The following CADM2 variants were observed in gnomAD, a reference collection of about 807,000 sequenced individuals.
CADM2 encodes the protein cell adhesion molecule 2, also known as immunoglobulin superfamily member 4D.
CADM2 carries 12 observed loss-of-function variants against 49.8 expected under a neutral mutation model. The ratio of observed to expected loss-of-function variants is 0.24; its 90% CI spans 0.15 to 0.39. The LOEUF (loss-of-function observed/expected upper bound fraction) is 0.39. Ranked by LOEUF, CADM2 falls within the 10% of genes least tolerant of loss-of-function variation. CADM2 has a pLI of 1.00. For missense variants in CADM2, 378 were observed against 492.3 expected, an observed-to-expected ratio of 0.77 and a Z score of 2.20; for synonymous variants, 214 against 175.4, an observed-to-expected ratio of 1.22 and a Z score of -1.74.
intron 1 of CADM2, among the ~76,000 whole-genome samples, chr3:85,305,577 C>T (rs1026429797): frequency 6.6e-6 from 1 of 151,512 alleles, no homozygotes; most frequent in Non-Finnish European, 1.5e-5. Context: ...TTAAATCTGC[C>T]AGCTACCAAC....
In CADM2 at chr3:84,998,359, T is replaced by C. The variant is rs1393969361; in HGVS notation, c.61+38691T>C. ...CCTGCCAGTTTTAATATAGCAAATA[T>C]GTTCTCCGGAGCAAGTAATTCCCAT... On this transcript the variant is annotated intron_variant, in intron 1 of 9. Coordinates refer to ENST00000383699, the MANE Select transcript of CADM2 (RefSeq NM_001167675.2). 6.6e-5 allele frequency among the ~76,000 whole-genome samples: 10 copies of C among 152,082 alleles called. 1 individual carries two copies.
intron 7 of CADM2, among the ~76,000 whole-genome samples, chr3:85,952,702 C>T (rs894495622): frequency 3.3e-5 from 5 of 151,008 alleles, no homozygotes; most frequent in African/African-American, 1.2e-4. Context: ...TAACACCATA[C>T]ACTGCCTAGC....
At chr3:85,369,326 T>A (rs1241619408) in intron 1 of CADM2, among the ~76,000 whole-genome samples, 1 of 152,208 alleles carries the variant, frequency 6.6e-6, no homozygotes, top group Non-Finnish European at 1.5e-5. Context: ...ACATATATGA[T>A]GGTGGTCCCA....
At chr3:86,063,146 C>T (rs944962361) in intron 8 of CADM2, among the ~76,000 whole-genome samples, 5 of 152,038 alleles carry the variant, frequency 3.3e-5, no homozygotes, top group African/African-American at 9.7e-5. Context: ...AAAGAAACAA[C>T]GTAAAGTTCC....
chr3:85,999,631 GAGAAAGAAAGAAAGAAA>G (rs1232147597), intron 8 of CADM2, among the ~76,000 whole-genome samples: 2 of 148,948 alleles, frequency 1.3e-5, no homozygotes, highest in African/African-American at 5.0e-5. Context: ...AAGAAAGAAG[GAGAAAGAAAGAAAGAAA>G]GGAAAGAAAA....
chr3:85,309,382 C>T (rs781654927), intron 1 of CADM2, among the ~76,000 whole-genome samples: 1 of 152,000 alleles, frequency 6.6e-6, no homozygotes, highest in Non-Finnish European at 1.5e-5. Context: ...TTCAAATTTC[C>T]ACATTGTGCT....
At chr3:85,676,755 T>C (rs2065897433) in intron 1 of CADM2, among the ~76,000 whole-genome samples, 3 of 152,154 alleles carry the variant, frequency 2.0e-5, no homozygotes, top group Admixed American at 2.0e-4. Flanking sequence ...GCTTTTTGTA[T>C]ACAAGCATCT....
chr3:85,944,865 G>T (rs986591846), intron 7 of CADM2, among the ~76,000 whole-genome samples: 4 of 152,010 alleles, frequency 2.6e-5, no homozygotes, highest in African/African-American at 9.7e-5. Context: ...ACAATTAAAA[G>T]AACTAGAGAA....
intron 3 of CADM2, among the ~76,000 whole-genome samples, chr3:85,838,938 T>G (rs2074519718): frequency 6.6e-6 from 1 of 151,814 alleles, no homozygotes; most frequent in Non-Finnish European, 1.5e-5. Context: ...CACTTAGGGG[T>G]GCTTGTTAAA....
At chr3:85,912,916 G>A (rs1402187305) in intron 6 of CADM2, among the ~76,000 whole-genome samples, 2 of 152,094 alleles carry the variant, frequency 1.3e-5, no homozygotes, top group African/African-American at 4.8e-5. Context: ...TTTATTTTAT[G>A]CAATTGTGGC....
At chr3:85,289,573 C>G (rs1371246288) in intron 1 of CADM2, among the ~76,000 whole-genome samples, 2 of 152,128 alleles carry the variant, frequency 1.3e-5, no homozygotes, top group Non-Finnish European at 2.9e-5. Flanking sequence ...AAGACATAGT[C>G]TAAATTGATT....
intron 8 of CADM2, among the ~76,000 whole-genome samples, chr3:86,035,008 T>C (rs1461386697): frequency 6.6e-6 from 1 of 152,070 alleles, no homozygotes; most frequent in African/African-American, 2.4e-5. Flanking sequence ...AAGTTTATTT[T>C]CCTCTACATG....
intron 7 of CADM2, among the ~76,000 whole-genome samples, chr3:85,946,960 C>A (rs999865281): frequency 1.5e-4 from 23 of 152,048 alleles, no homozygotes; most frequent in African/African-American, 4.6e-4. Flanking sequence ...TATAATTAAA[C>A]TAAAGAGCTT....
At chr3:85,506,085 G>A (rs2040339315) in intron 1 of CADM2, among the ~76,000 whole-genome samples, 1 of 152,114 alleles carries the variant, frequency 6.6e-6, no homozygotes, top group Non-Finnish European at 1.5e-5. Flanking sequence ...TCTACTATCA[G>A]CACCAGGGTG....
At chr3:85,718,938 A>G (rs1374445564) in intron 1 of CADM2, among the ~76,000 whole-genome samples, 1 of 148,652 alleles carries the variant, frequency 6.7e-6, no homozygotes, top group East Asian at 2.0e-4. Flanking sequence ...TGAGACAGAG[A>G]GTCTCACTCT....
intron 1 of CADM2, among the ~76,000 whole-genome samples, chr3:85,184,434 T>C (rs1455752454): frequency 6.6e-6 from 1 of 152,088 alleles, no homozygotes; most frequent in Non-Finnish European, 1.5e-5. Context: ...CTTTTTGAAA[T>C]GAAAATATGC....
intron 7 of CADM2, among the ~76,000 whole-genome samples, 188 bp downstream of exon 7, chr3:85,936,045 C>CT (rs1225177201): frequency 6.6e-6 from 1 of 151,374 alleles, no homozygotes; most frequent in Non-Finnish European, 1.5e-5. Context: ...ACTTTGTCAT[C>CT]TAGTGAAGTT....
intron 1 of CADM2, among the ~76,000 whole-genome samples, chr3:85,061,230 C>G (rs758046383): frequency 6.6e-6 from 1 of 151,652 alleles, no homozygotes; most frequent in Non-Finnish European, 1.5e-5. Flanking sequence ...GAAAATATAC[C>G]CTTGTCAATA....
chr3:86,035,999 A>G (rs762423887), intron 8 of CADM2, among the ~76,000 whole-genome samples: 3 of 152,090 alleles, frequency 2.0e-5, no homozygotes, highest in Non-Finnish European at 1.5e-5. Context: ...TGTTTCTAAA[A>G]GCATAAATTC....
Sources: gnomAD v4.1 joint callset for allele counts (sites outside exome capture counted in the v4.1 genomes callset) on GRCh38, gnomAD v4.1.1 for gene constraint, MANE v1.5 for transcripts, NCBI Gene and HGNC (gene_info 2026-07-23, HGNC 2026-07-21) for gene names.